Variants in BRCA1 observed in about 807,000 individuals in gnomAD.
BRCA1 encodes the protein BRCA1 DNA repair associated.
BRCA1 carries 140 observed loss-of-function variants against 173.7 expected under a neutral mutation model. The observed-to-expected ratio is 0.81, with a 90% CI of 0.70 to 0.93. The LOEUF is 0.93. Ranked by LOEUF, BRCA1 falls within the 40% of genes least tolerant of loss-of-function variation. BRCA1 has a pLI of 0.00. For missense variants in BRCA1, 1,983 were observed against 2,172.5 expected, an observed-to-expected ratio of 0.91 and a Z score of 1.73; for synonymous variants, 662 against 756.0, an observed-to-expected ratio of 0.88 and a Z score of 2.04.
At chr17:43,135,882 C>T (rs1339977403) in intron 1 of BRCA1, among the ~76,000 whole-genome samples, 1 of 152,204 alleles carries the variant, frequency 6.6e-6, no homozygotes, top group African/African-American at 2.4e-5. Flanking sequence ...CGCCTCCCAT[C>T]CCCAGGCGCC....
chr17:43,132,960 G>C (rs888717340), intron 1 of BRCA1: 1 of 151,792 alleles, frequency 6.6e-6, no homozygotes, highest in South Asian at 2.1e-4. Context: ...TTTTAGTAGA[G>C]ACGGGGTTTC....
At chr17:43,106,224 G>A (rs2054756486) in intron 4 of BRCA1, among the ~76,000 whole-genome samples, 1 of 152,038 alleles carries the variant, frequency 6.6e-6, no homozygotes, top group South Asian at 2.1e-4. Flanking sequence ...AAGTCTGCAA[G>A]TTTTTACACT....
At chr17:43,160,245 C>T (rs1450692198) in intron 1 of BRCA1, 1 of 151,966 alleles carries the variant, frequency 6.6e-6, no homozygotes, top group African/African-American at 2.4e-5. Flanking sequence ...GGGGTTTCAC[C>T]TGTAGCAGGA....
chr17:43,156,566 A>AT (rs1313446657), intron 1 of BRCA1, among the ~76,000 whole-genome samples: 1 of 152,242 alleles, frequency 6.6e-6, no homozygotes, highest in Non-Finnish European at 1.5e-5. Flanking sequence ...CAATGTGGGT[A>AT]TTATTACTGG....
chr17:43,169,829 C>A lies in BRCA1; in HGVS notation c.-20+297G>T, dbSNP rs33946455. On this transcript the variant is annotated intron_variant, in intron 1 of 7. Coordinates refer to the BRCA1 transcript ENST00000634433. Reference sequence around the variant, plus strand: ...TTATCTGAGAAACCCCACGGCCTGTCCCCCGTCCAGAACGTCTCAGCGAGC... The same window carrying A: ...TTATCTGAGAAACCCCACGGCCTGTACCCCGTCCAGAACGTCTCAGCGAGC... The A allele has an allele frequency of 1.1e-5, 3 of 281,148 alleles. No individual in the cohort carries two copies. In the East Asian group the frequency reaches 3.8e-4, roughly 36 times the overall value. The allele number at this position is 281,148 out of a possible 1,614,324, so 17.4% of individuals were successfully genotyped here.
At chr17:43,148,928 A>G (rs1460403485) in intron 1 of BRCA1, 1 of 166,666 alleles carries the variant, frequency 6.0e-6, no homozygotes, top group Non-Finnish European at 1.5e-5. Context: ...GCTGTTTAAC[A>G]GTGCTTTGTT....
intron 1 of BRCA1, chr17:43,144,592 TG>T: frequency 6.1e-6 from 1 of 164,604 alleles, no homozygotes; most frequent in African/African-American, 2.4e-5. Context: ...TGTGGATGCG[TG>T]GGCCGCCAGC....
At chr17:43,056,928 A>C in intron 19 of BRCA1, 124 bp downstream of exon 19, 2 of 870,836 alleles carry the variant, frequency 2.3e-6, no homozygotes, top group Non-Finnish European at 4.0e-6. Context: ...CCTGTGTGAA[A>C]GTATCTAGCA....
intron 20 of BRCA1, 85 bp from the exon 21 acceptor site, chr17:43,049,279 G>C: frequency 8.1e-7 from 1 of 1,227,664 alleles, no homozygotes; most frequent in Admixed American, 1.8e-5. Flanking sequence ...CCGGATGAAG[G>C]CTTATAGCAA....
chr17:43,158,311 T>C (rs946093838), intron 1 of BRCA1, among the ~76,000 whole-genome samples: 5 of 152,206 alleles, frequency 3.3e-5, no homozygotes, highest in African/African-American at 1.2e-4. Context: ...TTTCCTACAA[T>C]GTCATTTCCT....
At chr17:43,089,107 G>A (rs1214460034) in intron 11 of BRCA1, among the ~76,000 whole-genome samples, 1 of 152,088 alleles carries the variant, frequency 6.6e-6, no homozygotes, top group East Asian at 1.9e-4. Flanking sequence ...GAGGTCAGGA[G>A]TTCGAGACGA....
At position 43,063,812 on chromosome 17, in the gene BRCA1, A is replaced by G. The variant is rs2153579334; in HGVS notation, c.5152+62T>C. On this transcript the variant is annotated intron_variant, in intron 17 of 22. Transcript: ENST00000357654. ...GCAAAAACCTTAGGTGTTAAACGTT[A>G]GGTGTAAAAATGCAATTCTGAGGTG... 7.3e-7 allele frequency: 1 copy of G among 1,365,074 alleles called. No homozygotes were observed. The highest frequency in any genetic ancestry group is 1.0e-6 in the Non-Finnish European group (1 of 956,150). 84.6% of individuals were successfully genotyped at this position (1,365,074 alleles called of 1,614,324 possible).
intron 8 of BRCA1, among the ~76,000 whole-genome samples, chr17:43,096,828 C>G (rs1249263037): frequency 6.6e-6 from 1 of 152,164 alleles, no homozygotes; most frequent in Admixed American, 6.5e-5. Context: ...GTGCAGAGTT[C>G]TACTGTTATC....
rs273901750 is a variant in BRCA1 at position 43,063,320 on chromosome 17, A to G, written c.5193+13T>C. The stretch of plus-strand genomic sequence containing the variant: ...TGAATATCTCTGGTTAGTTTGTAAC[A>G]TCAAGTACTTACCTCATTCAGCATT... On this transcript the variant is annotated intron_variant, in intron 18 of 22. Transcript: ENST00000357654. 1 of 1,599,002 alleles carries G rather than the reference A, an allele frequency of 6.3e-7. No homozygotes were observed. Among genetic ancestry groups the G allele is most frequent in the Non-Finnish European group, 8.6e-7 (1 of 1,166,288 alleles).
intron 15 of BRCA1, among the ~76,000 whole-genome samples, 195 bp from the exon 16 acceptor site, chr17:43,067,890 T>TAAAAAA (rs71157702): frequency 1.7e-3 from 84 of 49,948 alleles, no homozygotes; most frequent in Non-Finnish European, 2.0e-3. Context: ...AGGCTGGAGG[T>TAAAAAA]AAAAAAAAAA....
chr17:43,116,041 A>C (rs1347488718), intron 2 of BRCA1, among the ~76,000 whole-genome samples: 10 of 152,208 alleles, frequency 6.6e-5, no homozygotes, highest in Admixed American at 6.5e-4. Context: ...TACTATCATC[A>C]GCATTTAAAA....
chr17:43,070,972 T>C lies in BRCA1; in HGVS notation c.4942A>G (p.Lys1648Glu), dbSNP rs747694453. 1.9e-6 allele frequency: 3 copies of C among 1,614,266 alleles called. No homozygotes were observed. The highest frequency in any genetic ancestry group is 2.2e-5 in the South Asian group (2 of 91,092). Reference sequence around the variant, plus strand: ...CCAGACACCACCATGGACATTCTTTTGTTGACCCTTTCTGTTGAAGCTGTC... The same window carrying C: ...CCAGACACCACCATGGACATTCTTTCGTTGACCCTTTCTGTTGAAGCTGTC... Reference protein sequence around the residue: ...ELTASTERVNKRMSMVVSGLT... With the variant: ...ELTASTERVNERMSMVVSGLT... Residue 1648 changes from lysine (K) to glutamate (E), a missense_variant, in exon 15 of 23, where the codon AAA (lysine) becomes GAA (glutamate). Lys to Glu is a moderately conservative substitution (Grantham distance 56, BLOSUM62 1). Coordinates refer to ENST00000357654, the MANE Select transcript of BRCA1 (RefSeq NM_007294.4).
chr17:43,070,011 G>C (rs931091819), intron 15 of BRCA1, among the ~76,000 whole-genome samples: 1 of 152,160 alleles, frequency 6.6e-6, no homozygotes, highest in Admixed American at 6.6e-5. Context: ...TCGGCTCACC[G>C]CAACCTCCGC....
chr17:43,108,061 AG>A (rs1234465124), intron 3 of BRCA1, among the ~76,000 whole-genome samples: 1 of 152,120 alleles, frequency 6.6e-6, no homozygotes. Context: ...AAAAGTCACT[AG>A]GGCTGTGCAC....
Sources: allele counts gnomAD v4.1 joint callset (sites outside exome capture counted in the v4.1 genomes callset), GRCh38; gene constraint gnomAD v4.1.1; transcripts MANE v1.5; gene names NCBI Gene and HGNC (gene_info 2026-07-23, HGNC 2026-07-21).